Variants in ERBIN observed in about 807,000 individuals in gnomAD.
ERBIN encodes the protein erbb2 interacting protein.
ERBIN carries 60 observed loss-of-function variants against 158.4 expected under a neutral mutation model. The ratio of observed to expected loss-of-function variants is 0.38; its 90% CI spans 0.31 to 0.47. The LOEUF (loss-of-function observed/expected upper bound fraction) is 0.47, where lower values mean the gene tolerates loss of function less well. Ranked by LOEUF, ERBIN falls within the 20% of genes least tolerant of loss-of-function variation. The probability of loss-of-function intolerance (pLI) is 0.99; values close to 1 mark genes in which losing one functional copy is unlikely to be tolerated. For synonymous variants in ERBIN, 594 were observed against 557.2 expected (o/e 1.07, Z -0.93); for missense variants, 1,610 against 1,648.0 (o/e 0.98, Z 0.40).
At chr5:65,929,865 C>G (rs955085825) in intron 1 of ERBIN, among the ~76,000 whole-genome samples, 1 of 152,086 alleles carries the variant, frequency 6.6e-6, no homozygotes, top group Non-Finnish European at 1.5e-5. Flanking sequence ...GTCTCGAACT[C>G]CCGACCTCAG....
intron 7 of ERBIN, among the ~76,000 whole-genome samples, chr5:66,017,575 T>C (rs1754921750): frequency 6.6e-6 from 1 of 151,668 alleles, no homozygotes; most frequent in Non-Finnish European, 1.5e-5. Flanking sequence ...TTCTAATTAT[T>C]AATTCCTGTC....
chr5:65,942,698 G>A (rs1270548625), intron 1 of ERBIN, among the ~76,000 whole-genome samples: 1 of 152,194 alleles, frequency 6.6e-6, no homozygotes, highest in East Asian at 1.9e-4. Context: ...GCTGAGGCAG[G>A]CGGATCACTT....
intron 8 of ERBIN, chr5:66,023,060 C>G: frequency 2.6e-6 from 1 of 387,492 alleles, no homozygotes; most frequent in Non-Finnish European, 4.5e-6. Context: ...TGGCATGTCT[C>G]TTTGATTTCT....
At chr5:66,065,213 C>T (rs1424521410) in intron 21 of ERBIN, among the ~76,000 whole-genome samples, 1 of 152,040 alleles carries the variant, frequency 6.6e-6, no homozygotes, top group Non-Finnish European at 1.5e-5. Context: ...GTGAATTTTC[C>T]TAGGCAGTAA....
chr5:65,975,033 G>C (rs1749700087), intron 1 of ERBIN, among the ~76,000 whole-genome samples: 1 of 152,146 alleles, frequency 6.6e-6, no homozygotes, highest in South Asian at 2.1e-4. Context: ...TATATTTGAG[G>C]TGGAGTCTCG....
chr5:66,045,910 TC>T, intron 17 of ERBIN, among the ~76,000 whole-genome samples: 1 of 152,340 alleles, frequency 6.6e-6, no homozygotes, highest in East Asian at 1.9e-4. Flanking sequence ...TCAGAAACTT[TC>T]ACAAATCCCT....
intron 1 of ERBIN, among the ~76,000 whole-genome samples, chr5:65,933,260 C>A (rs886615899): frequency 3.3e-5 from 5 of 152,108 alleles, no homozygotes; most frequent in African/African-American, 1.2e-4. Context: ...ACTAGATTTT[C>A]ATGGTAGTCA....
chr5:66,014,518 T>G (rs1312417713), intron 6 of ERBIN, 151 bp from the exon 7 acceptor site: 2 of 440,534 alleles, frequency 4.5e-6, no homozygotes, highest in Non-Finnish European at 4.1e-6. Context: ...TTTTCTTCCT[T>G]TGTATTTTAT....
intron 1 of ERBIN, among the ~76,000 whole-genome samples, chr5:65,973,365 C>G (rs1394445401): frequency 4.6e-5 from 7 of 150,770 alleles, no homozygotes; most frequent in African/African-American, 1.7e-4. Flanking sequence ...AACAAACTTG[C>G]ACGTTGGGCA....
At chr5:65,992,677 T>A in intron 2 of ERBIN, 33 bp from the exon 3 acceptor site, 2 of 1,474,252 alleles carry the variant, frequency 1.4e-6, no homozygotes, top group Non-Finnish European at 1.8e-6. Flanking sequence ...GTAATATGTA[T>A]GTTTTAAATT....
chr5:66,019,701 A>G (rs1462467886), intron 7 of ERBIN, among the ~76,000 whole-genome samples: 1 of 152,118 alleles, frequency 6.6e-6, no homozygotes. Flanking sequence ...ATTGTTTTAA[A>G]ATATAAATTT....
At chr5:65,998,349 C>A (rs1752669244) in intron 4 of ERBIN, among the ~76,000 whole-genome samples, 1 of 151,110 alleles carries the variant, frequency 6.6e-6, no homozygotes, top group African/African-American at 2.4e-5. Flanking sequence ...ATCAGGACTT[C>A]TGTTTTAAGG....
At chr5:65,950,303 A>G (rs563967582) in intron 1 of ERBIN, among the ~76,000 whole-genome samples, 3 of 152,202 alleles carry the variant, frequency 2.0e-5, no homozygotes, top group Admixed American at 2.0e-4. Flanking sequence ...TCAGGTCTTT[A>G]GTTTCCTCCA....
intron 16 of ERBIN, among the ~76,000 whole-genome samples, chr5:66,043,759 A>G (rs1424598812): frequency 6.6e-6 from 1 of 152,176 alleles, no homozygotes; most frequent in South Asian, 2.1e-4. Context: ...TTGGAAAAAT[A>G]TGGCTCTTGG....
Position 66,017,538 on chromosome 5 carries a change from TATTG to T in ERBIN, c.533+2817_533+2820del, listed in dbSNP as rs1754910227. 4.0e-5 allele frequency among the ~76,000 whole-genome samples: 6 copies of T among 149,700 alleles called. No homozygotes were observed. The Admixed American group carries it at 4.0e-4, about 10-fold the overall frequency. ...ATAGAATTTTTTTTTTTTTTTTTGC[TATTG>T]ATTTGTTGAAGCTTCTTATATATTC... On this transcript the variant is annotated intron_variant, in intron 7 of 25. Transcript: ENST00000284037.
At chr5:65,991,379 C>T (rs1000528937) in intron 2 of ERBIN, among the ~76,000 whole-genome samples, 8 of 152,152 alleles carry the variant, frequency 5.3e-5, no homozygotes, top group African/African-American at 1.7e-4. Flanking sequence ...TTAACCTAGT[C>T]TTGGTTCTGG....
intron 21 of ERBIN, among the ~76,000 whole-genome samples, chr5:66,064,526 C>T (rs1760792707): frequency 1.3e-5 from 2 of 152,002 alleles, no homozygotes; most frequent in South Asian, 2.1e-4. Context: ...ATATGTGTTA[C>T]GTAGTGTAGA....
At chr5:65,962,667 A>G (rs539398921) in intron 1 of ERBIN, among the ~76,000 whole-genome samples, 16 of 152,224 alleles carry the variant, frequency 1.1e-4, no homozygotes, top group East Asian at 5.8e-4. Flanking sequence ...AGGGCCCACA[A>G]TTTTCTTCAA....
chr5:65,952,196 T>C (rs1156765305), intron 1 of ERBIN, among the ~76,000 whole-genome samples: 1 of 152,144 alleles, frequency 6.6e-6, no homozygotes, highest in East Asian at 1.9e-4. Context: ...CATTAGCTTT[T>C]TTTTTCCCCC....
Sources: allele counts gnomAD v4.1 joint callset (sites outside exome capture counted in the v4.1 genomes callset), GRCh38; gene constraint gnomAD v4.1.1; transcripts MANE v1.5; gene names NCBI Gene and HGNC (gene_info 2026-07-23, HGNC 2026-07-21).